The following SOX5 variants were observed in gnomAD, a reference collection of about 807,000 sequenced individuals.
SOX5 encodes the protein transcription factor SOX-5.
SOX5 carries 9 observed loss-of-function variants against 92.0 expected under a neutral mutation model. That is an observed-to-expected ratio of 0.10 (90% CI 0.06 to 0.17). The LOEUF (loss-of-function observed/expected upper bound fraction) is 0.17, where lower values mean the gene tolerates loss of function less well. Ranked by LOEUF, SOX5 falls within the 10% of genes least tolerant of loss-of-function variation. SOX5 has a pLI of 1.00. For missense variants in SOX5, 642 were observed against 944.5 expected (o/e 0.68, Z 4.20); for synonymous variants, 344 against 336.3 (o/e 1.02, Z -0.25).
intron 4 of SOX5, among the ~76,000 whole-genome samples, chr12:24,158,033 G>A (rs922055726): frequency 5.3e-5 from 8 of 152,000 alleles, no homozygotes; most frequent in Admixed American, 4.6e-4. Flanking sequence ...GAAGACTCAG[G>A]TTAGAGGTGA....
intron 4 of SOX5, among the ~76,000 whole-genome samples, chr12:24,096,595 C>T (rs1393411060): frequency 6.6e-6 from 1 of 152,176 alleles, no homozygotes; most frequent in Non-Finnish European, 1.5e-5. Context: ...AGCACAATGT[C>T]TTCAAGGTTC....
chr12:24,520,465 GA>G (rs540063672), intron 1 of SOX5, among the ~76,000 whole-genome samples: 36 of 148,276 alleles, frequency 2.4e-4, no homozygotes, highest in African/African-American at 8.1e-4. Flanking sequence ...TAACTACAAA[GA>G]AAAAAAATCT....
At chr12:24,341,516 T>C (rs1245346092) in intron 2 of SOX5, among the ~76,000 whole-genome samples, 1 of 152,198 alleles carries the variant, frequency 6.6e-6, no homozygotes, top group Non-Finnish European at 1.5e-5. Context: ...TATTGATTCT[T>C]TACTTTTATA....
intron 2 of SOX5, among the ~76,000 whole-genome samples, chr12:24,336,073 G>A (rs992745106): frequency 1.4e-5 from 2 of 141,712 alleles, no homozygotes; most frequent in Non-Finnish European, 1.5e-5. Flanking sequence ...ATGGGGATAC[G>A]TTTTTTTTGT....
At chr12:24,177,178 C>T (rs773336320) in intron 4 of SOX5, among the ~76,000 whole-genome samples, 23 of 152,124 alleles carry the variant, frequency 1.5e-4, no homozygotes, top group Non-Finnish European at 1.3e-4. Flanking sequence ...TTCTCACTCA[C>T]ATAATTAGGG....
intron 6 of SOX5, among the ~76,000 whole-genome samples, chr12:23,681,290 AAACT>A (rs1459813039): frequency 6.6e-6 from 1 of 151,958 alleles, no homozygotes; most frequent in East Asian, 1.9e-4. Flanking sequence ...GATAATACCC[AAACT>A]GATAAATAGA....
At chr12:23,742,033 C>T (rs908466300) in intron 4 of SOX5, among the ~76,000 whole-genome samples, 1 of 152,080 alleles carries the variant, frequency 6.6e-6, no homozygotes, top group Non-Finnish European at 1.5e-5. Flanking sequence ...GGAGAGAACA[C>T]CCTCTTTAAT....
intron 1 of SOX5, among the ~76,000 whole-genome samples, chr12:24,556,741 A>T (rs1273325985): frequency 6.6e-6 from 1 of 152,250 alleles, no homozygotes; most frequent in Non-Finnish European, 1.5e-5. Flanking sequence ...AGGAGCACTT[A>T]TATGAATAAA....
chr12:24,225,610 C>G (rs1961750928), intron 3 of SOX5, among the ~76,000 whole-genome samples: 1 of 151,924 alleles, frequency 6.6e-6, no homozygotes, highest in African/African-American at 2.4e-5. Context: ...GTTGGTTACA[C>G]ATTAGTAGAA....
intron 9 of SOX5, among the ~76,000 whole-genome samples, chr12:23,595,403 A>G (rs1952220581): frequency 6.6e-6 from 1 of 152,060 alleles, no homozygotes; most frequent in South Asian, 2.1e-4. Flanking sequence ...CCGGCGGATC[A>G]TGAGGTCAGA....
intron 4 of SOX5, among the ~76,000 whole-genome samples, chr12:24,059,508 T>A (rs1376889336): frequency 1.3e-5 from 2 of 152,146 alleles, no homozygotes; most frequent in African/African-American, 4.8e-5. Context: ...GCCTCAACTT[T>A]GTCTGAAAAT....
chr12:24,163,508 T>C (rs1953014103), intron 4 of SOX5, among the ~76,000 whole-genome samples: 1 of 151,086 alleles, frequency 6.6e-6, no homozygotes, highest in Admixed American at 6.6e-5. Context: ...TTAATTCCTT[T>C]TTTTTTTTTT....
intron 13 of SOX5, among the ~76,000 whole-genome samples, chr12:23,540,361 TATA>T (rs5797023): frequency 0.15 from 21,030 of 142,558 alleles, 1,729 homozygotes; most frequent in Non-Finnish European, 0.2. Context: ...AAACTTAAAG[TATA>T]ATAATAATAA....
chr12:23,702,725 G>C (rs1440643882), intron 6 of SOX5, among the ~76,000 whole-genome samples: 2 of 151,806 alleles, frequency 1.3e-5, no homozygotes, highest in Non-Finnish European at 2.9e-5. Context: ...ATGCTGAAGA[G>C]AAATGAACCA....
intron 4 of SOX5, among the ~76,000 whole-genome samples, chr12:23,747,348 CCAAA>C (rs2094021750): frequency 6.6e-6 from 1 of 152,104 alleles, no homozygotes; most frequent in Non-Finnish European, 1.5e-5. Context: ...AATCCATTCT[CCAAA>C]CAAACGTTCA....
intron 8 of SOX5, among the ~76,000 whole-genome samples, chr12:23,609,165 G>C (rs2075652128): frequency 6.6e-6 from 1 of 152,164 alleles, no homozygotes; most frequent in South Asian, 2.1e-4. Flanking sequence ...GAAATATAGA[G>C]ATTGGTGTGG....
upstream of SOX5, chr12:23,949,743 T>G (rs1451165821): frequency 1.1e-5 from 12 of 1,062,414 alleles, 2 homozygotes; most frequent in South Asian, 1.7e-4. Context: ...TCTCTCTCTC[T>G]CTCTCTCTCC....
intron 8 of SOX5, among the ~76,000 whole-genome samples, chr12:23,630,380 G>A (rs1799804629): frequency 6.6e-6 from 1 of 151,826 alleles, no homozygotes; most frequent in Non-Finnish European, 1.5e-5. Flanking sequence ...GCCTCCCATA[G>A]ATTCTTGCGA....
At chr12:24,390,686 T>C (rs896871411) in intron 1 of SOX5, among the ~76,000 whole-genome samples, 1 of 152,196 alleles carries the variant, frequency 6.6e-6, no homozygotes, top group South Asian at 2.1e-4. Flanking sequence ...ACTTTCTCTT[T>C]GAATTATTTC....
Sources: gnomAD v4.1 joint callset for allele counts (sites outside exome capture counted in the v4.1 genomes callset) on GRCh38, gnomAD v4.1.1 for gene constraint, MANE v1.5 for transcripts, NCBI Gene and HGNC (gene_info 2026-07-23, HGNC 2026-07-21) for gene names.